Variants in CLSTN2 observed in about 807,000 individuals in gnomAD.
CLSTN2 encodes the protein calsyntenin 2.
CLSTN2 carries 48 observed loss-of-function variants against 101.2 expected under a neutral mutation model. That is an observed-to-expected ratio of 0.47 (90% CI 0.38 to 0.60). The LOEUF is 0.60. CLSTN2 is among the 20% of genes least tolerant of loss of function. The pLI is 0.00. For synonymous variants in CLSTN2, 481 were observed against 463.6 expected (o/e 1.04, Z -0.48); for missense variants, 1,160 against 1,238.2 (o/e 0.94, Z 0.95).
At position 140,303,532 on chromosome 3, in the gene CLSTN2, A is replaced by G. The variant is rs541533448; in HGVS notation, c.233-100097A>G. 2.8e-4 allele frequency among the ~76,000 whole-genome samples: 43 copies of G among 152,260 alleles called. No individual in the cohort carries two copies. In the South Asian group the frequency reaches 5.8e-3, roughly 21 times the overall value. ...AGTTTTTTTTCCAAGCATAATTACAATAACGTCCTTCAAACACAGAGGTCT... is the reference window on the plus strand; with the variant it reads ...AGTTTTTTTTCCAAGCATAATTACAGTAACGTCCTTCAAACACAGAGGTCT... On this transcript the variant is annotated intron_variant, in intron 2 of 16. Transcript: ENST00000458420.
chr3:140,112,339 C>A (rs929743093), intron 1 of CLSTN2, among the ~76,000 whole-genome samples: 2 of 150,034 alleles, frequency 1.3e-5, no homozygotes, highest in Non-Finnish European at 2.9e-5. Flanking sequence ...GGAAGAGGAG[C>A]AAATATTAAA....
intron 2 of CLSTN2, among the ~76,000 whole-genome samples, chr3:140,232,452 C>G (rs2086378932): frequency 6.6e-6 from 1 of 152,036 alleles, no homozygotes; most frequent in African/African-American, 2.4e-5. Context: ...CCCCAGGGGT[C>G]CCCTTGGACT....
intron 1 of CLSTN2, among the ~76,000 whole-genome samples, chr3:140,147,788 G>T (rs758453053): frequency 2.6e-5 from 4 of 152,116 alleles, no homozygotes; most frequent in Non-Finnish European, 5.9e-5. Context: ...CTAACACAAA[G>T]TATTGACTGT....
At chr3:140,403,120 G>A (rs540228000) in intron 2 of CLSTN2, among the ~76,000 whole-genome samples, 14 of 152,270 alleles carry the variant, frequency 9.2e-5, no homozygotes, top group African/African-American at 3.4e-4. Flanking sequence ...CTGAAGGAGA[G>A]AAATGCATTA....
At chr3:140,302,571 AG>A (rs2087070233) in intron 2 of CLSTN2, among the ~76,000 whole-genome samples, 1 of 152,236 alleles carries the variant, frequency 6.6e-6, no homozygotes, top group African/African-American at 2.4e-5. Flanking sequence ...TTATTCTCAA[AG>A]GCTAGTAAAC....
intron 1 of CLSTN2, among the ~76,000 whole-genome samples, chr3:140,002,855 T>G (rs1576393468): frequency 6.6e-6 from 1 of 152,310 alleles, no homozygotes; most frequent in Non-Finnish European, 1.5e-5. Flanking sequence ...TCACTTTTAT[T>G]GAAAATGAGT....
chr3:140,487,974 C>T (rs573522974), intron 8 of CLSTN2, among the ~76,000 whole-genome samples: 1 of 152,322 alleles, frequency 6.6e-6, no homozygotes, highest in South Asian at 2.1e-4. Flanking sequence ...ATATCAGCCA[C>T]TTATTTTTCT....
intron 1 of CLSTN2, among the ~76,000 whole-genome samples, chr3:139,979,073 C>T (rs143156345): frequency 5.3e-4 from 81 of 152,230 alleles, no homozygotes; most frequent in Non-Finnish European, 1.0e-3. Context: ...CCAGAATGTG[C>T]GCCCCGCTTT....
chr3:140,436,882 G>T (rs1448863956), intron 5 of CLSTN2, among the ~76,000 whole-genome samples: 2 of 152,126 alleles, frequency 1.3e-5, no homozygotes, highest in Non-Finnish European at 2.9e-5. Flanking sequence ...TAGTAACAAG[G>T]CTCTGCTGGT....
chr3:140,335,291 T>C (rs1030735029), intron 2 of CLSTN2, among the ~76,000 whole-genome samples: 5 of 152,122 alleles, frequency 3.3e-5, no homozygotes, highest in Non-Finnish European at 5.9e-5. Flanking sequence ...AGGCACAAAA[T>C]TACCCATTTA....
intron 1 of CLSTN2, among the ~76,000 whole-genome samples, chr3:140,076,623 G>GTTTT (rs1401368909): frequency 1.6e-5 from 1 of 61,660 alleles, no homozygotes; most frequent in African/African-American, 8.5e-5. Context: ...CTCACCAGCA[G>GTTTT]TGTTTTTTTT....
At chr3:140,209,959 C>G (rs755389613) in intron 2 of CLSTN2, among the ~76,000 whole-genome samples, 17 of 152,176 alleles carry the variant, frequency 1.1e-4, no homozygotes, top group Non-Finnish European at 2.2e-4. Context: ...CATTCACTCC[C>G]TTGCTCATAT....
intron 2 of CLSTN2, among the ~76,000 whole-genome samples, chr3:140,334,597 T>G (rs1253767381): frequency 6.6e-6 from 1 of 152,128 alleles, no homozygotes; most frequent in Admixed American, 6.6e-5. Context: ...AGGAGGCCCA[T>G]CAACAAAAAT....
At chr3:140,011,745 C>G (rs893169005) in intron 1 of CLSTN2, among the ~76,000 whole-genome samples, 5 of 151,976 alleles carry the variant, frequency 3.3e-5, no homozygotes, top group African/African-American at 1.2e-4. Flanking sequence ...CTGCTGTGAC[C>G]TTGCATGAGA....
At chr3:140,500,054 G>A (rs1054011317) in intron 8 of CLSTN2, among the ~76,000 whole-genome samples, 6 of 150,590 alleles carry the variant, frequency 4.0e-5, no homozygotes, top group South Asian at 2.1e-4. Context: ...GTGACAGAGC[G>A]CGACTCCGTC....
intron 2 of CLSTN2, among the ~76,000 whole-genome samples, chr3:140,349,096 CT>C (rs2087580680): frequency 6.6e-6 from 1 of 152,148 alleles, no homozygotes; most frequent in African/African-American, 2.4e-5. Flanking sequence ...TGAGCGAGTT[CT>C]TATGAGGTGG....
intron 8 of CLSTN2, among the ~76,000 whole-genome samples, chr3:140,516,939 G>T (rs1228333754): frequency 6.6e-6 from 1 of 152,052 alleles, no homozygotes; most frequent in Non-Finnish European, 1.5e-5. Flanking sequence ...CAAACTTTTA[G>T]ATTTCTCTTC....
chr3:140,541,658 C>T (rs987930252), intron 9 of CLSTN2, among the ~76,000 whole-genome samples: 1 of 152,188 alleles, frequency 6.6e-6, no homozygotes, highest in Non-Finnish European at 1.5e-5. Flanking sequence ...CATTCCTTGT[C>T]GGCATCACCC....
chr3:139,937,267 C>A (rs986669084), intron 1 of CLSTN2, among the ~76,000 whole-genome samples: 1 of 151,908 alleles, frequency 6.6e-6, no homozygotes, highest in Non-Finnish European at 1.5e-5. Flanking sequence ...TAATAATGCA[C>A]GGCTGAGTTC....
Sources: allele counts gnomAD v4.1 joint callset (sites outside exome capture counted in the v4.1 genomes callset), GRCh38; gene constraint gnomAD v4.1.1; transcripts MANE v1.5; gene names NCBI Gene and HGNC (gene_info 2026-07-23, HGNC 2026-07-21).